The following FRMD4B variants were observed in gnomAD, a reference collection of about 807,000 sequenced individuals.
The protein encoded by FRMD4B is FERM domain containing 4B.
FRMD4B carries 74 observed loss-of-function variants against 141.5 expected under a neutral mutation model. That is an observed-to-expected ratio of 0.52 (90% confidence interval 0.43 to 0.63). FRMD4B has a LOEUF of 0.63. FRMD4B is among the 30% of genes least tolerant of loss of function. FRMD4B has a pLI of 0.00. For synonymous variants in FRMD4B, 506 were observed against 467.9 expected, an observed-to-expected ratio of 1.08 and a Z score of -1.05; for missense variants, 1,366 against 1,253.4, an observed-to-expected ratio of 1.09 and a Z score of -1.36.
chr3:69,474,043 G>C (rs1016427746), intron 1 of FRMD4B, among the ~76,000 whole-genome samples: 1 of 152,116 alleles, frequency 6.6e-6, no homozygotes, highest in Non-Finnish European at 1.5e-5. Context: ...CGTCATCCAA[G>C]TTCTCTTCTA....
intron 11 of FRMD4B, among the ~76,000 whole-genome samples, chr3:69,208,648 C>A (rs4290807): frequency 0.69 from 105,424 of 152,098 alleles, 38,176 homozygotes; most frequent in Non-Finnish European, 0.79. Flanking sequence ...CCTGAACACA[C>A]CAAATGTCCC....
intron 15 of FRMD4B, 39 bp downstream of exon 15, chr3:69,195,192 G>T (rs749196856): frequency 2.5e-6 from 4 of 1,613,348 alleles, no homozygotes; most frequent in Non-Finnish European, 3.4e-6. Context: ...GGCCAAAGTT[G>T]TCAAACACAA....
intron 1 of FRMD4B, among the ~76,000 whole-genome samples, chr3:69,445,182 G>C (rs1705394163): frequency 6.6e-6 from 1 of 152,160 alleles, no homozygotes; most frequent in African/African-American, 2.4e-5. Context: ...TGCTGAAAAG[G>C]CTCATAAAAA....
At chr3:69,199,679 G>C (rs567460278) in intron 11 of FRMD4B, among the ~76,000 whole-genome samples, 19 of 152,154 alleles carry the variant, frequency 1.2e-4, no homozygotes, top group Non-Finnish European at 2.6e-4. Context: ...TCCAGTTTTT[G>C]AACATAGCTA....
intron 1 of FRMD4B, among the ~76,000 whole-genome samples, chr3:69,351,926 C>A (rs1703163088): frequency 6.6e-6 from 1 of 152,188 alleles, no homozygotes; most frequent in South Asian, 2.1e-4. Flanking sequence ...TATTTGTCCA[C>A]CACCCATCAC....
chr3:69,385,420 T>C (rs925225234), intron 1 of FRMD4B, among the ~76,000 whole-genome samples: 1 of 152,114 alleles, frequency 6.6e-6, no homozygotes, highest in African/African-American at 2.4e-5. Flanking sequence ...CAAGGCCCCC[T>C]CTGCCAGCAA....
intron 1 of FRMD4B, among the ~76,000 whole-genome samples, chr3:69,463,965 C>T (rs1232910295): frequency 6.6e-6 from 1 of 152,158 alleles, no homozygotes; most frequent in African/African-American, 2.4e-5. Context: ...AGGCAGGTTG[C>T]TGAAACACTA....
intron 12 of FRMD4B, chr3:69,197,752 C>A (rs7647940): frequency 0.079 from 12,079 of 152,474 alleles, 690 homozygotes; most frequent in East Asian, 0.28. Context: ...TTCAGGTCAC[C>A]TTTTTATCAC....
In FRMD4B at chr3:69,518,146, T is replaced by C. The variant is rs551805477; in HGVS notation, c.-129+24060A>G. ...GACTTTTGGGGTGATAAAGATATTC[T>C]TTATCTTGACTGGTGCAGAGATTAC... On this transcript the variant is annotated intron_variant, in intron 1 of 5. Coordinates refer to the FRMD4B transcript ENST00000459638. 1.4e-4 allele frequency among the ~76,000 whole-genome samples: 22 copies of C among 152,322 alleles called. No homozygotes were observed. In the South Asian group the frequency reaches 4.1e-3, roughly 29 times the overall value.
chr3:69,190,658 GC>G (rs2092825674), intron 17 of FRMD4B, among the ~76,000 whole-genome samples: 1 of 152,128 alleles, frequency 6.6e-6, no homozygotes, highest in African/African-American at 2.4e-5. Flanking sequence ...CAAGTGACCT[GC>G]CTACCTAGGC....
chr3:69,476,492 T>G (rs1706001616), intron 1 of FRMD4B, among the ~76,000 whole-genome samples: 1 of 152,210 alleles, frequency 6.6e-6, no homozygotes, highest in African/African-American at 2.4e-5. Context: ...TTTGTCAGGT[T>G]TGTCAAAGAT....
intron 1 of FRMD4B, among the ~76,000 whole-genome samples, chr3:69,366,474 T>C (rs1703660319): frequency 9.6e-6 from 1 of 103,726 alleles, no homozygotes; most frequent in South Asian, 3.1e-4. Context: ...CTCGTGATCA[T>C]GGTATCTCCC....
upstream of FRMD4B, among the ~76,000 whole-genome samples, chr3:69,390,318 T>C (rs542255527): frequency 1.4e-4 from 22 of 152,240 alleles, no homozygotes; most frequent in East Asian, 3.9e-3. Flanking sequence ...AACTGACAGA[T>C]CATGGACGTC....
intron 2 of FRMD4B, among the ~76,000 whole-genome samples, chr3:69,409,311 A>G (rs1474350482): frequency 6.6e-6 from 1 of 152,220 alleles, no homozygotes; most frequent in Non-Finnish European, 1.5e-5. Flanking sequence ...CTGTTGAGAC[A>G]TTTCCAACAA....
At chr3:69,491,271 G>T (rs1195895643) in intron 1 of FRMD4B, among the ~76,000 whole-genome samples, 1 of 152,196 alleles carries the variant, frequency 6.6e-6, no homozygotes, top group Non-Finnish European at 1.5e-5. Context: ...ATGAAGCATA[G>T]CTTATTGTGG....
At chr3:69,496,674 A>AGAGAGG (rs1706404000) in intron 1 of FRMD4B, among the ~76,000 whole-genome samples, 5 of 147,312 alleles carry the variant, frequency 3.4e-5, no homozygotes, top group African/African-American at 5.1e-5. Flanking sequence ...AGAGAGAGAG[A>AGAGAGG]GAGACAGGGA....
intron 1 of FRMD4B, chr3:69,472,352 A>T: frequency 2.0e-6 from 1 of 490,148 alleles, no homozygotes; most frequent in Non-Finnish European, 4.1e-6. Context: ...TTCTTGTTGG[A>T]TATATCACAT....
chr3:69,301,185 G>A (rs556529705), intron 4 of FRMD4B, among the ~76,000 whole-genome samples: 6 of 152,290 alleles, frequency 3.9e-5, no homozygotes, highest in Admixed American at 6.5e-5. Flanking sequence ...CTAAGAAGGG[G>A]AGCAAAGTTT....
intron 11 of FRMD4B, among the ~76,000 whole-genome samples, chr3:69,201,049 G>A (rs1021775772): frequency 1.3e-5 from 2 of 152,192 alleles, no homozygotes; most frequent in East Asian, 1.9e-4. Context: ...TACTTAAAAG[G>A]CGAAGGACTT....
Sources: allele counts gnomAD v4.1 joint callset (sites outside exome capture counted in the v4.1 genomes callset), GRCh38; gene constraint gnomAD v4.1.1; transcripts MANE v1.5; gene names NCBI Gene and HGNC (gene_info 2026-07-23, HGNC 2026-07-21).